Variants in ABLIM1 observed in about 807,000 individuals in gnomAD.
The protein encoded by ABLIM1 is actin-binding LIM protein 1.
In ABLIM1, 40 loss-of-function variants were observed where a neutral mutation model predicts 107.0. The ratio of observed to expected loss-of-function variants is 0.37; its 90% CI spans 0.29 to 0.49. ABLIM1 has a LOEUF of 0.49. Among genes scored for constraint, ABLIM1 ranks in the 20% least tolerant of loss-of-function variants. The pLI, the probability that ABLIM1 is intolerant of heterozygous loss-of-function variation, is 0.97. For synonymous variants in ABLIM1, 357 were observed against 357.3 expected (o/e 1.00, Z 0.01); for missense variants, 857 against 1,008.5 (o/e 0.85, Z 2.04).
chr10:114,727,282 T>C (rs217185), intron 1 of ABLIM1, among the ~76,000 whole-genome samples: 8,671 of 152,250 alleles, frequency 0.057, 327 homozygotes, highest in Middle Eastern at 0.092. Context: ...CAAGATAAAA[T>C]TTCAAGTGAC....
chr10:114,457,034 G>A (rs920933974), intron 12 of ABLIM1, among the ~76,000 whole-genome samples: 3 of 151,678 alleles, frequency 2.0e-5, no homozygotes, highest in African/African-American at 7.3e-5. Flanking sequence ...ATCAGGTAAA[G>A]AGAGACCCAA....
intron 1 of ABLIM1, among the ~76,000 whole-genome samples, chr10:114,678,649 A>C (rs1433417096): frequency 6.6e-6 from 1 of 152,224 alleles, no homozygotes; most frequent in Non-Finnish European, 1.5e-5. Flanking sequence ...AATATTTACT[A>C]TTGTGCCCTT....
At position 114,627,268 on chromosome 10, in the gene ABLIM1, C is replaced by T. The variant is rs7091597; in HGVS notation, c.245-25307G>A. On this transcript the variant is annotated intron_variant, in intron 1 of 22. Coordinates refer to ENST00000533213, the MANE Select transcript of ABLIM1 (RefSeq NM_002313.7). ...TTTTCATTTCAATTTATTATATGTC[C>T]ACATATCCCCAATCTTTAAAGCCTC... Among the ~76,000 whole-genome samples, 867 of 152,118 alleles carry T rather than the reference C, an allele frequency of 5.7e-3. 9 individuals are homozygous for T. Among genetic ancestry groups the T allele is most frequent in the African/African-American group, 0.02 (829 of 41,484 alleles).
chr10:114,443,318 CTT>C (rs59039279), intron 17 of ABLIM1, among the ~76,000 whole-genome samples: 3 of 146,054 alleles, frequency 2.1e-5, no homozygotes, highest in Admixed American at 6.9e-5. Flanking sequence ...GATTTTTTTT[CTT>C]TTTTTTTTTG....
chr10:114,662,574 T>C (rs1277846354), upstream of ABLIM1, among the ~76,000 whole-genome samples: 2 of 152,166 alleles, frequency 1.3e-5, no homozygotes, highest in East Asian at 3.9e-4. Flanking sequence ...TTTCTGAGCA[T>C]ACTGGCATAT....
intron 1 of ABLIM1, among the ~76,000 whole-genome samples, chr10:114,665,011 G>A (rs1444393419): frequency 6.6e-6 from 1 of 151,784 alleles, no homozygotes; most frequent in African/African-American, 2.4e-5. Flanking sequence ...CCAGCTATTC[G>A]GGAGCTGAGG....
chr10:114,521,347 C>G (rs1590855773), intron 6 of ABLIM1, among the ~76,000 whole-genome samples: 1 of 152,238 alleles, frequency 6.6e-6, no homozygotes, highest in Non-Finnish European at 1.5e-5. Context: ...GAGTCATACT[C>G]AAGCCATAGA....
chr10:114,472,610 TCTC>T (rs1308455483), intron 10 of ABLIM1, among the ~76,000 whole-genome samples: 10 of 152,096 alleles, frequency 6.6e-5, no homozygotes, highest in Admixed American at 6.6e-4. Flanking sequence ...GTGTGTTCTC[TCTC>T]CTCATGATGC....
chr10:114,787,644 C>G, the ABLIM1 span, among the ~76,000 whole-genome samples: 1 of 143,690 alleles, frequency 7.0e-6, no homozygotes, highest in East Asian at 2.2e-4. Flanking sequence ...TCTGCCCGGC[C>G]GCCCCTACTG....
At position 114,646,942 on chromosome 10, in the gene ABLIM1, T is replaced by C. The variant is rs547420686; in HGVS notation, c.244+11015A>G. Among the ~76,000 whole-genome samples the C allele has an allele frequency of 2.0e-3, 310 of 152,312 alleles. 3 individuals are homozygous for C. Among genetic ancestry groups the C allele is most frequent in the African/African-American group, 6.9e-3 (288 of 41,572 alleles). On this transcript the variant is annotated intron_variant, in intron 1 of 22. Coordinates refer to ENST00000533213, the MANE Select transcript of ABLIM1 (RefSeq NM_002313.7). ...CCCATCATGGATAGCACTGGACCAA[T>C]TGGTGACCTCAAAGATTAGACAGTT...
intron 1 of ABLIM1, among the ~76,000 whole-genome samples, chr10:114,626,747 C>T (rs1421555583): frequency 1.3e-5 from 2 of 152,118 alleles, no homozygotes; most frequent in Non-Finnish European, 2.9e-5. Context: ...GAATGTGGCC[C>T]TATTTGGAGA....
At chr10:114,525,614 A>C (rs2064580158) in intron 6 of ABLIM1, among the ~76,000 whole-genome samples, 1 of 152,262 alleles carries the variant, frequency 6.6e-6, no homozygotes, top group South Asian at 2.1e-4. Flanking sequence ...TGATCCATTT[A>C]TAGAATGGCA....
At chr10:114,523,653 C>T (rs2064136569) in intron 6 of ABLIM1, among the ~76,000 whole-genome samples, 1 of 152,158 alleles carries the variant, frequency 6.6e-6, no homozygotes, top group Admixed American at 6.5e-5. Flanking sequence ...TCTGGTAGCC[C>T]CTCAGACATT....
chr10:114,617,179 C>A (rs10885587), intron 1 of ABLIM1, among the ~76,000 whole-genome samples: 14 of 151,940 alleles, frequency 9.2e-5, no homozygotes, highest in African/African-American at 3.4e-4. Context: ...GGCGTTCAGC[C>A]TCTGAAAAAT....
chr10:114,726,591 A>G (rs1003279976), intron 1 of ABLIM1, among the ~76,000 whole-genome samples: 14 of 151,056 alleles, frequency 9.3e-5, no homozygotes, highest in African/African-American at 2.4e-5. Flanking sequence ...GACCAGCCTG[A>G]CCAACATGGT....
chr10:114,462,758 AT>A (rs1287343838), intron 12 of ABLIM1, among the ~76,000 whole-genome samples: 1 of 60,516 alleles, frequency 1.7e-5, no homozygotes, highest in African/African-American at 6.4e-5. Flanking sequence ...AAATAATAAT[AT>A]ATATATATAT....
intron 4 of ABLIM1, among the ~76,000 whole-genome samples, chr10:114,561,607 T>C (rs2069713048): frequency 6.6e-6 from 1 of 152,164 alleles, no homozygotes; most frequent in South Asian, 2.1e-4. Context: ...TCTGTATAAA[T>C]ATACAATTAT....
chr10:114,746,224 T>G (rs808322), intron 1 of ABLIM1, among the ~76,000 whole-genome samples: 109,889 of 151,992 alleles, frequency 0.72, 39,899 homozygotes, highest in African/African-American at 0.76. Flanking sequence ...ACCCTTTGAC[T>G]ACTATCATCT....
At chr10:114,648,653 A>C (rs4751625) in intron 1 of ABLIM1, among the ~76,000 whole-genome samples, 109,234 of 152,112 alleles carry the variant, frequency 0.72, 39,431 homozygotes, top group African/African-American at 0.8. Flanking sequence ...CAGGCTCGTA[A>C]ATGTTAAAGT....
Sources: gnomAD v4.1 joint callset for allele counts (sites outside exome capture counted in the v4.1 genomes callset) on GRCh38, gnomAD v4.1.1 for gene constraint, MANE v1.5 for transcripts, NCBI Gene and HGNC (gene_info 2026-07-23, HGNC 2026-07-21) for gene names.